TCF20: variants seen among roughly 807,000 people sequenced by gnomAD.
TCF20 encodes the protein transcription factor 20.
In TCF20, 3 loss-of-function variants were observed where a neutral mutation model predicts 148.6. The ratio of observed to expected loss-of-function variants is 0.02; its 90% confidence interval spans 0.01 to 0.05. The LOEUF is 0.05. Among genes scored for constraint, TCF20 ranks in the 10% least tolerant of loss-of-function variants. TCF20 has a pLI of 1.00. For synonymous variants in TCF20, 1,049 were observed against 909.5 expected (o/e 1.15, Z -2.76); for missense variants, 2,350 against 2,429.3 (o/e 0.97, Z 0.69).
At chr22:42,197,471 C>T (rs543263722) in intron 2 of TCF20, among the ~76,000 whole-genome samples, 3 of 152,034 alleles carry the variant, frequency 2.0e-5, no homozygotes, top group South Asian at 4.2e-4. Context: ...TACAGGTGCC[C>T]GCCACCACGC....
At chr22:42,239,819 A>G (rs916685554) in intron 1 of TCF20, among the ~76,000 whole-genome samples, 15 of 152,186 alleles carry the variant, frequency 9.9e-5, no homozygotes, top group Admixed American at 5.2e-4. Flanking sequence ...AAATGAATAA[A>G]ATGTTTAAAA....
In TCF20 at chr22:42,297,164, A is replaced by G. The variant is rs757191504; in HGVS notation, c.-37+46315T>C. 7.2e-5 allele frequency among the ~76,000 whole-genome samples: 11 copies of G among 152,204 alleles called. No homozygotes were observed. Among genetic ancestry groups the G allele is most frequent in the Admixed American group, 1.3e-4 (2 of 15,284 alleles). On this transcript the variant is annotated intron_variant, in intron 1 of 1. Coordinates refer to the TCF20 transcript ENST00000515426. The surrounding 1 kb of genome is among the most constrained non-coding windows in gnomAD (Gnocchi z 4.3). ...GCCTCAGTGCCCATACCCACAATGGATGGCCCAGCTGGGCGACCTTGGGCA... is the reference window on the plus strand; with the variant it reads ...GCCTCAGTGCCCATACCCACAATGGGTGGCCCAGCTGGGCGACCTTGGGCA...
At chr22:42,272,615 C>G (rs1926666844), upstream of TCF20, among the ~76,000 whole-genome samples, 2 of 152,196 alleles carry the variant, frequency 1.3e-5, no homozygotes, top group South Asian at 4.1e-4. Context: ...CATGCAGCCC[C>G]CTCCCCGCCC....
chr22:42,182,748 T>G lies in TCF20; in HGVS notation c.5656-3046A>C, dbSNP rs568869759. On this transcript the variant is annotated intron_variant, in intron 2 of 5. Transcript: ENST00000677622. ...AGAAATGCAGTTTTGTTTTTTGGGT[T>G]ATTTTTGAGACAGAGTCTCGTTCTG... Among the ~76,000 whole-genome samples, 21 of 152,314 alleles carry G rather than the reference T, an allele frequency of 1.4e-4. No individual in the cohort carries two copies. The East Asian group carries it at 3.5e-3, about 25-fold the overall frequency.
At chr22:42,320,644 G>T (rs771846705) in intron 1 of TCF20, among the ~76,000 whole-genome samples, 43 of 152,226 alleles carry the variant, frequency 2.8e-4, no homozygotes, top group South Asian at 1.4e-3. Flanking sequence ...TACACAGCAG[G>T]TGCTCAACAC....
intron 1 of TCF20, among the ~76,000 whole-genome samples, chr22:42,323,230 T>C (rs1927767645): frequency 6.6e-6 from 1 of 151,392 alleles, no homozygotes; most frequent in African/African-American, 2.4e-5. Context: ...GGCCTCTTGT[T>C]CAGAGGCCAA....
At chr22:42,307,437 C>G (rs1211424055) in intron 1 of TCF20, among the ~76,000 whole-genome samples, 1 of 152,224 alleles carries the variant, frequency 6.6e-6, no homozygotes, top group Non-Finnish European at 1.5e-5. Flanking sequence ...CTAGACTATT[C>G]CTTCCTTTCC....
At position 42,279,205 on chromosome 22, in the gene TCF20, T is replaced by C. The variant is rs1273103468; in HGVS notation, c.-37+4622A>G. 6.6e-6 allele frequency among the ~76,000 whole-genome samples: 1 copy of C among 151,852 alleles called. No individual in the cohort carries two copies. The highest frequency in any genetic ancestry group is 2.4e-5 in the African/African-American group (1 of 41,324). ...CTGTGCCTTCTTGGTAGTAGGTGGG[T>C]GTGAAAAAGAAAGGAAGGGCCAGGT... On this transcript the variant is annotated intron_variant, in intron 1 of 5. Coordinates refer to the TCF20 transcript ENST00000359486. This position sits in a 1 kb window ranked among gnomAD's most constrained non-coding sequence, Gnocchi z 4.3.
intron 1 of TCF20, among the ~76,000 whole-genome samples, chr22:42,268,463 T>C (rs376354636): frequency 6.6e-6 from 1 of 152,222 alleles, no homozygotes; most frequent in African/African-American, 2.4e-5. Context: ...TTAATTCCAC[T>C]AGCATACCAT....
rs140827020 is a variant in TCF20, at chr22:42,311,689, C to T, written c.-37+31790G>A. ...TGCCTCAGTCCCCTCCCCTGCAAAA[C>T]GGGGATGAAAACATCCCAAGCCCAG... On this transcript the variant is annotated intron_variant, in intron 1 of 1. Transcript: ENST00000515426. 3.4e-3 allele frequency among the ~76,000 whole-genome samples: 520 copies of T among 152,240 alleles called. 9 individuals are homozygous for T. The East Asian group carries it at 0.034, about 10-fold the overall frequency.
chr22:42,200,804 C>T (rs1300618945), intron 2 of TCF20, among the ~76,000 whole-genome samples: 3 of 152,198 alleles, frequency 2.0e-5, no homozygotes, highest in East Asian at 3.8e-4. Context: ...CTTCTGATGT[C>T]TCCCTACTTA....
chr22:42,326,515 G>A (rs749691966), intron 1 of TCF20, among the ~76,000 whole-genome samples: 2 of 152,144 alleles, frequency 1.3e-5, no homozygotes, highest in East Asian at 1.9e-4. Context: ...CCAACTCTCC[G>A]CTCTTCAATC....
intron 1 of TCF20, among the ~76,000 whole-genome samples, chr22:42,329,800 C>T (rs1927938487): frequency 6.6e-6 from 1 of 152,132 alleles, no homozygotes; most frequent in South Asian, 2.1e-4. Flanking sequence ...CTCCCCCCAC[C>T]GAGTCCCCTT....
chr22:42,294,554 G>C (rs547217450), intron 1 of TCF20, among the ~76,000 whole-genome samples: 1 of 152,292 alleles, frequency 6.6e-6, no homozygotes, highest in Non-Finnish European at 1.5e-5. Context: ...GGAGAGGGCA[G>C]GGCCAGGCTG....
chr22:42,228,792 T>C (rs867814260), intron 1 of TCF20, among the ~76,000 whole-genome samples: 10 of 151,624 alleles, frequency 6.6e-5, no homozygotes, highest in Middle Eastern at 3.2e-3. Context: ...GCCAACAGAG[T>C]AGATGAGATC....
In TCF20 at chr22:42,168,469, G is replaced by T. The variant is rs1935921426; in HGVS notation, c.*44+140C>A. On this transcript the variant is annotated intron_variant, in intron 5 of 5. Transcript: ENST00000677622. ...AATCTGGGGAGCTAAGTAACCAATG[G>T]AAGAACACTGCATCCACCTGGCGTT... The T allele has an allele frequency of 6.2e-6, 8 of 1,297,090 alleles. No individual in the cohort carries two copies. In the East Asian group the frequency reaches 2.1e-4, roughly 34 times the overall value. 80.3% of individuals were successfully genotyped at this position (1,297,090 alleles called of 1,614,324 possible).
intron 1 of TCF20, among the ~76,000 whole-genome samples, chr22:42,341,878 C>G (rs569764492): frequency 6.6e-6 from 1 of 152,250 alleles, no homozygotes; most frequent in South Asian, 2.1e-4. Context: ...CTTCACTTCA[C>G]CCACCTGAGA....
intron 2 of TCF20, among the ~76,000 whole-genome samples, chr22:42,194,879 G>T (rs903840669): frequency 6.6e-6 from 1 of 151,808 alleles, no homozygotes; most frequent in East Asian, 2.0e-4. Flanking sequence ...CCCTTTGGCC[G>T]AGTTAGGTGT....
intron 1 of TCF20, among the ~76,000 whole-genome samples, chr22:42,294,529 T>C (rs1397463215): frequency 6.6e-6 from 1 of 151,854 alleles, no homozygotes; most frequent in Non-Finnish European, 1.5e-5. Flanking sequence ...GAAAGGGCCC[T>C]CCCTCCCAGC....
Sources: allele counts gnomAD v4.1 joint callset (sites outside exome capture counted in the v4.1 genomes callset), GRCh38; gene constraint gnomAD v4.1.1; non-coding constraint Gnocchi (gnomAD v3.1); transcripts MANE v1.5; gene names NCBI Gene and HGNC (gene_info 2026-07-23, HGNC 2026-07-21).